MTHFD2L: variants seen among roughly 807,000 people sequenced by gnomAD.
The protein encoded by MTHFD2L is methylenetetrahydrofolate dehydrogenase (NADP+ dependent) 2 like, also known as bifunctional methylenetetrahydrofolate dehydrogenase/cyclohydrolase 2, mitochondrial.
In MTHFD2L, 29 loss-of-function variants were observed where a neutral mutation model predicts 34.9. The ratio of observed to expected loss-of-function variants is 0.83; its 90% confidence interval spans 0.62 to 1.13. The LOEUF is 1.13. Ranked by LOEUF, MTHFD2L falls within the 50% of genes most tolerant of loss-of-function variation. MTHFD2L has a pLI of 0.00. For missense variants in MTHFD2L, 481 were observed against 446.5 expected, an observed-to-expected ratio of 1.08 and a Z score of -0.70; for synonymous variants, 167 against 155.7, an observed-to-expected ratio of 1.07 and a Z score of -0.54.
At chr4:74,166,430 C>T (rs1726716224) in intron 1 of MTHFD2L, among the ~76,000 whole-genome samples, 2 of 152,176 alleles carry the variant, frequency 1.3e-5, no homozygotes, top group African/African-American at 4.8e-5. Flanking sequence ...ATTACTTGTG[C>T]ATTGTTTGAG....
At chr4:74,143,480 G>C (rs1212049730) in intron 1 of MTHFD2L, 1 of 980,678 alleles carries the variant, frequency 1.0e-6, no homozygotes, top group African/African-American at 1.7e-5. Context: ...ATGTGGAACT[G>C]TCTCAGGGGC....
upstream of MTHFD2L, chr4:74,157,100 A>G (rs1724338932): frequency 6.6e-6 from 1 of 152,402 alleles, no homozygotes; most frequent in African/African-American, 2.4e-5. Context: ...CTCATTGCCA[A>G]ACCCAAGGTC....
At chr4:74,213,837 G>A (rs1336785372) in intron 5 of MTHFD2L, among the ~76,000 whole-genome samples, 1 of 152,074 alleles carries the variant, frequency 6.6e-6, no homozygotes, top group Non-Finnish European at 1.5e-5. Flanking sequence ...TCACTTTTAG[G>A]TACACCAGTC....
intron 7 of MTHFD2L, among the ~76,000 whole-genome samples, chr4:74,285,406 G>A (rs1748041151): frequency 6.6e-6 from 1 of 152,036 alleles, no homozygotes; most frequent in Non-Finnish European, 1.5e-5. Context: ...AAGAAGGCAA[G>A]CACCATTCAA....
At chr4:74,179,645 C>A (rs966374764) in intron 3 of MTHFD2L, among the ~76,000 whole-genome samples, 6 of 151,848 alleles carry the variant, frequency 4.0e-5, no homozygotes, top group African/African-American at 1.5e-4. Context: ...GAAAATCGAT[C>A]TTTTATACTA....
intron 1 of MTHFD2L, among the ~76,000 whole-genome samples, chr4:74,165,381 C>T (rs943488914): frequency 2.0e-5 from 3 of 152,098 alleles, no homozygotes; most frequent in Non-Finnish European, 4.4e-5. Context: ...TTTTTTGAGA[C>T]AGAGTCTTTC....
At chr4:74,161,827 ATCTTT>A (rs1725525757) in intron 1 of MTHFD2L, 1 of 152,232 alleles carries the variant, frequency 6.6e-6, no homozygotes, top group African/African-American at 2.4e-5. Flanking sequence ...GCACCAGATG[ATCTTT>A]TCATGGGCAC....
chr4:74,184,384 A>G (rs1456797929), intron 3 of MTHFD2L, among the ~76,000 whole-genome samples: 1 of 152,194 alleles, frequency 6.6e-6, no homozygotes, highest in Non-Finnish European at 1.5e-5. Flanking sequence ...GCTATTTAAT[A>G]TGAAAGTATA....
chr4:74,250,099 G>A (rs961354387), intron 6 of MTHFD2L, among the ~76,000 whole-genome samples: 3 of 152,146 alleles, frequency 2.0e-5, no homozygotes, highest in South Asian at 4.2e-4. Flanking sequence ...CATTCTCCCC[G>A]TCACTTTCAG....
intron 6 of MTHFD2L, chr4:74,267,289 C>A (rs896293654): frequency 4.9e-6 from 4 of 818,336 alleles, no homozygotes; most frequent in Non-Finnish European, 4.3e-6. Flanking sequence ...CTATTCTATT[C>A]TTTTCTTTTC....
At chr4:74,230,915 A>G (rs557214397) in intron 6 of MTHFD2L, among the ~76,000 whole-genome samples, 23 of 152,058 alleles carry the variant, frequency 1.5e-4, no homozygotes, top group African/African-American at 5.5e-4. Context: ...TGTCCACATT[A>G]CCCTCCACCC....
In MTHFD2L at chr4:74,291,003, C is replaced by CTTTTTTTTTTTT. The variant is rs10585551; in HGVS notation, c.931+9474_931+9485dup. On this transcript the variant is annotated intron_variant, in intron 7 of 7. Transcript: ENST00000325278. ...CTGTCTTACATTTATTTTTCCTTTTCTTTTTTTTTTTTTTTTTTTTTTTTT... is the reference window on the plus strand; with the variant it reads ...CTGTCTTACATTTATTTTTCCTTTTCTTTTTTTTTTTTTTTTTTTTTTTTTTTTTTTTTTTTT... Among the ~76,000 whole-genome samples the CTTTTTTTTTTTT allele has an allele frequency of 2.0e-3, 58 of 29,274 alleles. 14 individuals carry two copies. The highest frequency in any genetic ancestry group is 4.1e-3 in the East Asian group (3 of 730). 19.2% of individuals were successfully genotyped at this position (29,274 alleles called of 152,430 possible).
At chr4:74,269,379 A>G (rs7672588) in intron 6 of MTHFD2L, among the ~76,000 whole-genome samples, 56,145 of 151,880 alleles carry the variant, frequency 0.37, 13,176 homozygotes, top group African/African-American at 0.67. Flanking sequence ...ATTCAATTTC[A>G]TATGCTACTG....
chr4:74,242,998 C>CT (rs1488207265), intron 6 of MTHFD2L, among the ~76,000 whole-genome samples: 2 of 152,142 alleles, frequency 1.3e-5, no homozygotes, highest in African/African-American at 4.8e-5. Flanking sequence ...CTAATAGACA[C>CT]TAATCAAATG....
At chr4:74,295,464 C>G (rs1306734337) in intron 7 of MTHFD2L, among the ~76,000 whole-genome samples, 1 of 152,022 alleles carries the variant, frequency 6.6e-6, no homozygotes, top group African/African-American at 2.4e-5. Flanking sequence ...GAATTCATTC[C>G]CACCTTAGTG....
chr4:74,134,180 G>A (rs746873487), intron 1 of MTHFD2L, among the ~76,000 whole-genome samples: 2 of 152,178 alleles, frequency 1.3e-5, no homozygotes, highest in Middle Eastern at 3.2e-3. Context: ...CCTGGAGGGA[G>A]AAATGTCTGT....
intron 6 of MTHFD2L, among the ~76,000 whole-genome samples, chr4:74,280,684 A>G (rs1485712910): frequency 6.6e-6 from 1 of 151,658 alleles, no homozygotes; most frequent in African/African-American, 2.4e-5. Flanking sequence ...GTACTGTTGT[A>G]TTTGAAACAA....
chr4:74,149,354 G>C (rs1002631750), intron 1 of MTHFD2L, among the ~76,000 whole-genome samples: 1 of 151,738 alleles, frequency 6.6e-6, no homozygotes, highest in African/African-American at 2.4e-5. Flanking sequence ...TCAGACATCT[G>C]TTAATAGGCT....
intron 6 of MTHFD2L, among the ~76,000 whole-genome samples, chr4:74,259,566 A>C (rs1744431498): frequency 1.3e-5 from 2 of 152,212 alleles, no homozygotes; most frequent in South Asian, 4.1e-4. Flanking sequence ...AGTCTGCAAA[A>C]ACAGAGAGCC....
Sources: gnomAD v4.1 joint callset for allele counts (sites outside exome capture counted in the v4.1 genomes callset) on GRCh38, gnomAD v4.1.1 for gene constraint, MANE v1.5 for transcripts, NCBI Gene and HGNC (gene_info 2026-07-23, HGNC 2026-07-21) for gene names.